The following GRM7 variants were observed in gnomAD, a reference collection of about 807,000 sequenced individuals.
GRM7 encodes the protein glutamate metabotropic receptor 7, also known as metabotropic glutamate receptor 7.
GRM7 carries 35 observed loss-of-function variants against 84.5 expected under a neutral mutation model. That is an observed-to-expected ratio of 0.41 (90% CI 0.32 to 0.55). The LOEUF (loss-of-function observed/expected upper bound fraction) is 0.55, where lower values mean the gene tolerates loss of function less well. Ranked by LOEUF, GRM7 falls within the 20% of genes least tolerant of loss-of-function variation. GRM7 has a pLI of 0.19. For synonymous variants in GRM7, 487 were observed against 455.1 expected (o/e 1.07, Z -0.89); for missense variants, 1,003 against 1,194.6 (o/e 0.84, Z 2.36).
At chr3:7,099,219 T>G (rs560333434) in intron 1 of GRM7, among the ~76,000 whole-genome samples, 7 of 137,948 alleles carry the variant, frequency 5.1e-5, no homozygotes, top group Non-Finnish European at 7.6e-5. Context: ...TTGCATATAA[T>G]AATACATGTA....
chr3:7,658,711 A>G (rs1434051504), intron 8 of GRM7, among the ~76,000 whole-genome samples: 3 of 152,198 alleles, frequency 2.0e-5, no homozygotes, highest in Non-Finnish European at 4.4e-5. Flanking sequence ...ACCATTGTTT[A>G]TAGAATAGTC....
At position 7,117,329 on chromosome 3, in the gene GRM7, G is replaced by A. The variant is rs114600289; in HGVS notation, c.520-29123G>A. Among the ~76,000 whole-genome samples the A allele has an allele frequency of 8.7e-3, 1,332 of 152,272 alleles. 11 individuals are homozygous for A. Among genetic ancestry groups the A allele is most frequent in the African/African-American group, 0.028 (1,170 of 41,548 alleles). On this transcript the variant is annotated intron_variant, in intron 1 of 9. Transcript: ENST00000357716. ...TTCTTTTCTGAAGAATCTGAAAAGA[G>A]CAAATAATACAGGTCTTGCCTAAGT...
In GRM7 at chr3:7,693,712, A is replaced by G. The variant is rs375840717; in HGVS notation, c.2698+13417A>G. 4 of 1,450,150 alleles carry G rather than the reference A, an allele frequency of 2.8e-6. No homozygotes were observed. In the African/African-American group the frequency reaches 4.2e-5, roughly 15 times the overall value. The allele number at this position is 1,450,150 out of a possible 1,614,324, so 89.8% of individuals were successfully genotyped here. On this transcript the variant is annotated intron_variant, in intron 9 of 9. Transcript: ENST00000357716. ...TCTGAGGCAAGTATCTGTCCTTCTA[A>G]GTGTCCTAAGGAAGCTTTGCTACCC...
chr3:7,487,794 A>T (rs146258819), intron 7 of GRM7, among the ~76,000 whole-genome samples: 3 of 152,324 alleles, frequency 2.0e-5, no homozygotes, highest in African/African-American at 7.2e-5. Context: ...TCACTAAAAC[A>T]ATGCTGAATG....
chr3:7,034,539 A>G (rs1696308717), intron 1 of GRM7, among the ~76,000 whole-genome samples: 1 of 152,232 alleles, frequency 6.6e-6, no homozygotes, highest in Admixed American at 6.5e-5. Flanking sequence ...ATACATACAT[A>G]CATATACGTA....
chr3:7,446,902 G>A (rs1697539699), intron 5 of GRM7, among the ~76,000 whole-genome samples: 1 of 152,076 alleles, frequency 6.6e-6, no homozygotes, highest in South Asian at 2.1e-4. Context: ...AATTAAACAG[G>A]TCTTTCAAAG....
At chr3:7,707,942 T>C (rs934915063) in intron 9 of GRM7, among the ~76,000 whole-genome samples, 3 of 151,310 alleles carry the variant, frequency 2.0e-5, no homozygotes, top group Non-Finnish European at 4.4e-5. Flanking sequence ...TTTTTTTTTT[T>C]TTTTTTTTTT....
At chr3:7,374,916 A>G (rs1694284626) in intron 4 of GRM7, among the ~76,000 whole-genome samples, 1 of 152,134 alleles carries the variant, frequency 6.6e-6, no homozygotes, top group Admixed American at 6.5e-5. Flanking sequence ...AATGGAGATT[A>G]TAATTCCTGC....
At chr3:7,028,864 T>A (rs1464102669) in intron 1 of GRM7, among the ~76,000 whole-genome samples, 1 of 152,232 alleles carries the variant, frequency 6.6e-6, no homozygotes, top group Non-Finnish European at 1.5e-5. Flanking sequence ...AATAATACAA[T>A]CACTTTAGAA....
intron 1 of GRM7, among the ~76,000 whole-genome samples, chr3:7,063,639 C>T (rs1559414704): frequency 6.6e-6 from 1 of 151,708 alleles, no homozygotes; most frequent in African/African-American, 2.4e-5. Flanking sequence ...TTATAATCCT[C>T]ACACCTGAAA....
Position 7,418,768 on chromosome 3 carries a change from G to T in GRM7, c.1174+3605G>T, listed in dbSNP as rs373256489. Among the ~76,000 whole-genome samples the T allele has an allele frequency of 8.7e-4, 133 of 152,236 alleles. 5 individuals are homozygous for T. In the South Asian group the frequency reaches 0.025, roughly 29 times the overall value. ...GCAAAAAGAGATTGAGGCCATCTTG[G>T]GGTCAGGAACATTATACCACAGTGG... On this transcript the variant is annotated intron_variant, in intron 5 of 9. Transcript: ENST00000357716.
At chr3:7,307,904 C>T (rs1291420907) in intron 4 of GRM7, among the ~76,000 whole-genome samples, 1 of 151,982 alleles carries the variant, frequency 6.6e-6, no homozygotes, top group African/African-American at 2.4e-5. Flanking sequence ...GGTGTCAGAA[C>T]AGGCAGAGAC....
intron 7 of GRM7, among the ~76,000 whole-genome samples, chr3:7,471,914 C>G (rs1698718247): frequency 6.6e-6 from 1 of 152,286 alleles, no homozygotes; most frequent in African/African-American, 2.4e-5. Flanking sequence ...TTGCCCCCTC[C>G]AAACCTCATG....
intron 2 of GRM7, among the ~76,000 whole-genome samples, chr3:7,289,465 C>G (rs964383081): frequency 2.0e-5 from 3 of 152,270 alleles, no homozygotes; most frequent in African/African-American, 7.2e-5. Context: ...CCTCAGGAAT[C>G]TAGAACTAGA....
chr3:7,673,437 A>C (rs1700004678), intron 8 of GRM7, among the ~76,000 whole-genome samples: 1 of 152,072 alleles, frequency 6.6e-6, no homozygotes, highest in Non-Finnish European at 1.5e-5. Flanking sequence ...TTGCCATTCA[A>C]AAGTTTCCCA....
intron 4 of GRM7, chr3:7,403,124 A>C (rs1695521364): frequency 2.3e-6 from 1 of 444,400 alleles, no homozygotes; most frequent in South Asian, 1.6e-5. Context: ...TCTACAATGC[A>C]CAATAATTTT....
chr3:7,157,348 C>T (rs1222115227), intron 2 of GRM7, among the ~76,000 whole-genome samples: 1 of 152,002 alleles, frequency 6.6e-6, no homozygotes, highest in African/African-American at 2.4e-5. Context: ...GATAAACACA[C>T]AGGATGAAAT....
chr3:7,716,976 T>C (rs1359591082), intron 9 of GRM7, among the ~76,000 whole-genome samples: 1 of 152,172 alleles, frequency 6.6e-6, no homozygotes, highest in African/African-American at 2.4e-5. Context: ...GGCTGAGTGT[T>C]ATCTATTTTT....
intron 8 of GRM7, among the ~76,000 whole-genome samples, chr3:7,587,706 C>T (rs548155531): frequency 8.5e-5 from 13 of 152,198 alleles, no homozygotes; most frequent in African/African-American, 2.4e-4. Context: ...ACAGTTAAGA[C>T]GTGAAATTTT....
Sources: gnomAD v4.1 joint callset for allele counts (sites outside exome capture counted in the v4.1 genomes callset) on GRCh38, gnomAD v4.1.1 for gene constraint, MANE v1.5 for transcripts, NCBI Gene and HGNC (gene_info 2026-07-23, HGNC 2026-07-21) for gene names.